ARSB: variants seen among roughly 807,000 people sequenced by gnomAD.
ARSB encodes arylsulfatase B, also known as N-acetylgalactosamine-4-sulfatase.
ARSB carries 41 observed loss-of-function variants against 50.9 expected under a neutral mutation model. The ratio of observed to expected loss-of-function variants is 0.81; its 90% CI spans 0.63 to 1.04. ARSB has a LOEUF of 1.04. Ranked by LOEUF, ARSB falls within the 50% of genes least tolerant of loss-of-function variation. ARSB has a pLI of 0.00. For missense variants in ARSB, 672 were observed against 693.3 expected (o/e 0.97, Z 0.35); for synonymous variants, 269 against 284.8 (o/e 0.94, Z 0.56).
At chr5:78,978,489 T>C (rs984334121) in intron 1 of ARSB, among the ~76,000 whole-genome samples, 9 of 152,134 alleles carry the variant, frequency 5.9e-5, no homozygotes, top group African/African-American at 1.9e-4. Context: ...TTTTTTTTAA[T>C]AGAAATGTAC....
At chr5:78,978,298 T>C (rs1752750891) in intron 1 of ARSB, among the ~76,000 whole-genome samples, 1 of 147,976 alleles carries the variant, frequency 6.8e-6, no homozygotes, top group South Asian at 2.1e-4. Context: ...AACACTGTGC[T>C]CCAGCCTGGG....
intron 2 of ARSB, among the ~76,000 whole-genome samples, chr5:78,964,936 T>C (rs905927713): frequency 2.0e-5 from 3 of 152,174 alleles, no homozygotes; most frequent in Admixed American, 6.5e-5. Context: ...GTAAAAATAA[T>C]GTACAGTTAA....
At chr5:78,898,120 T>C (rs1462756813) in intron 4 of ARSB, among the ~76,000 whole-genome samples, 1 of 151,946 alleles carries the variant, frequency 6.6e-6, no homozygotes, top group Non-Finnish European at 1.5e-5. Flanking sequence ...ATACAAAAAT[T>C]AGCCAGGTGT....
intron 6 of ARSB, among the ~76,000 whole-genome samples, chr5:78,830,825 G>A (rs538629086): frequency 5.3e-5 from 8 of 152,256 alleles, no homozygotes; most frequent in East Asian, 1.9e-4. Context: ...AAAATTTGAC[G>A]AGCTGCTAAA....
chr5:78,870,106 T>C lies in ARSB; in HGVS notation c.1142+15478A>G, dbSNP rs966791883. On this transcript the variant is annotated intron_variant, in intron 5 of 7. Transcript: ENST00000264914. The stretch of plus-strand genomic sequence containing the variant: ...CTCGACACATACACTCTCCCAAGAC[T>C]AAACCAGGAAGAAGTTGAATCTCTG... Among the ~76,000 whole-genome samples, 188 of 138,418 alleles carry C rather than the reference T, an allele frequency of 1.4e-3. 1 individual carries two copies. The highest frequency in any genetic ancestry group is 4.9e-3 in the African/African-American group (186 of 37,708). 90.8% of individuals were successfully genotyped at this position (138,418 alleles called of 152,430 possible). A position where few individuals can be genotyped will look rare whatever the true frequency, so the allele number is the denominator to read the frequency against.
intron 4 of ARSB, among the ~76,000 whole-genome samples, chr5:78,918,202 T>C (rs1749645526): frequency 6.6e-6 from 1 of 152,236 alleles, no homozygotes; most frequent in African/African-American, 2.4e-5. Flanking sequence ...ATGGCACTAT[T>C]ACATACATAT....
In ARSB at chr5:78,841,132, GTACTACTACTACTACTAC is replaced by G. The variant is rs71613989; in HGVS notation, c.1143-1724_1143-1707del. On this transcript the variant is annotated intron_variant, in intron 5 of 7. Transcript: ENST00000264914. ...TAGGCAACATACTGAGACCTGGTCT[GTACTACTACTACTACTAC>G]TACTACTACTACTACTACTAATAAT... Among the ~76,000 whole-genome samples, 3 of 134,694 alleles carry G rather than the reference GTACTACTACTACTACTAC, an allele frequency of 2.2e-5. No homozygotes were observed. In the South Asian group the frequency reaches 7.8e-4, roughly 35 times the overall value. The allele number at this position is 134,694 out of a possible 152,430, so 88.4% of individuals were successfully genotyped here. A position where few individuals can be genotyped will look rare whatever the true frequency, so the allele number is the denominator to read the frequency against.
At chr5:78,942,219 T>G (rs952783593) in intron 4 of ARSB, among the ~76,000 whole-genome samples, 18 of 152,122 alleles carry the variant, frequency 1.2e-4, no homozygotes, top group Non-Finnish European at 2.4e-4. Flanking sequence ...TTTGTTGATC[T>G]TTTCAAAAAA....
chr5:78,929,249 A>G (rs565232950), intron 4 of ARSB, among the ~76,000 whole-genome samples: 15 of 152,264 alleles, frequency 9.9e-5, no homozygotes, highest in South Asian at 2.1e-4. Context: ...AGTGCCTGAC[A>G]TGTTTTTGGT....
chr5:78,972,544 C>CACACACACACACACACACACACACACACA (rs1554088554), intron 1 of ARSB, among the ~76,000 whole-genome samples: 6 of 147,522 alleles, frequency 4.1e-5, no homozygotes, highest in African/African-American at 1.6e-4. Flanking sequence ...CACACACACA[C>CACACACACACACACACACACACACACACA]CCCAAATCAA....
chr5:78,883,521 A>C (rs1030263173), intron 5 of ARSB: 12 of 152,286 alleles, frequency 7.9e-5, no homozygotes, highest in Admixed American at 5.9e-4. Context: ...GAAATGGTGA[A>C]GAAATGGCTA....
intron 6 of ARSB, among the ~76,000 whole-genome samples, chr5:78,795,785 T>C (rs1743158313): frequency 6.6e-6 from 1 of 152,236 alleles, no homozygotes; most frequent in African/African-American, 2.4e-5. Context: ...ATATATGCAC[T>C]CCACATGACG....
intron 5 of ARSB, among the ~76,000 whole-genome samples, chr5:78,861,628 T>C (rs1019045147): frequency 6.6e-6 from 1 of 152,206 alleles, no homozygotes. Flanking sequence ...CAATAAGAGC[T>C]ATCTATGACA....
intron 6 of ARSB, among the ~76,000 whole-genome samples, chr5:78,827,091 C>A (rs1744464737): frequency 6.6e-6 from 1 of 152,204 alleles, no homozygotes; most frequent in South Asian, 2.1e-4. Flanking sequence ...ACGGCTCCAT[C>A]AAATAGAGCC....
chr5:78,885,660 T>C lies in ARSB; in HGVS notation c.1066A>G (p.Thr356Ala). The change falls in exon 5 of 8, where the codon ACA becomes GCA. Residue 356 changes from threonine to alanine, a missense_variant. Physicochemically the swap from Thr to Ala is moderately conservative, Grantham distance 58. Coordinates refer to ENST00000264914, the MANE Select transcript of ARSB (RefSeq NM_000046.5). ...ELIHISDWLP[T>A]LVKLARGHTN... ...TGTCCCCTGGCCAGCTTCACGAGTGTTGGCAGCCAGTCAGAGATGTGGATG... is the reference window on the plus strand; with the variant it reads ...TGTCCCCTGGCCAGCTTCACGAGTGCTGGCAGCCAGTCAGAGATGTGGATG... The C allele has an allele frequency of 6.2e-7, 1 of 1,614,106 alleles. No individual in the cohort carries two copies. The highest frequency in any genetic ancestry group is 1.1e-5 in the South Asian group (1 of 91,082).
At chr5:78,812,662 T>C (rs1265393458) in intron 6 of ARSB, among the ~76,000 whole-genome samples, 2 of 148,772 alleles carry the variant, frequency 1.3e-5, no homozygotes, top group African/African-American at 5.0e-5. Context: ...AAATGCAGCT[T>C]AGAGGGCTTG....
intron 4 of ARSB, among the ~76,000 whole-genome samples, chr5:78,903,761 A>AG (rs534040038): frequency 1.3e-5 from 2 of 152,220 alleles, no homozygotes; most frequent in Non-Finnish European, 2.9e-5. Flanking sequence ...ACTTCAAAAT[A>AG]GATAAGAGAT....
intron 4 of ARSB, among the ~76,000 whole-genome samples, chr5:78,943,917 A>G (rs1751072291): frequency 6.6e-6 from 1 of 152,210 alleles, no homozygotes; most frequent in African/African-American, 2.4e-5. Flanking sequence ...AGGTACACCA[A>G]TCAGATGTAG....
At chr5:78,845,824 A>G (rs547919963) in intron 5 of ARSB, among the ~76,000 whole-genome samples, 1 of 152,208 alleles carries the variant, frequency 6.6e-6, no homozygotes, top group East Asian at 1.9e-4. Context: ...TTCTCCCATT[A>G]TGCAGGCTGT....
Sources: gnomAD v4.1 joint callset for allele counts (sites outside exome capture counted in the v4.1 genomes callset) on GRCh38, gnomAD v4.1.1 for gene constraint, MANE v1.5 for transcripts, NCBI Gene and HGNC (gene_info 2026-07-23, HGNC 2026-07-21) for gene names.